NOVA1: variants seen among roughly 807,000 people sequenced by gnomAD.
The protein encoded by NOVA1 is RNA-binding protein Nova-1.
In NOVA1, 7 loss-of-function variants were observed where a neutral mutation model predicts 38.0. The ratio of observed to expected loss-of-function variants is 0.18; its 90% confidence interval spans 0.10 to 0.35. The LOEUF (loss-of-function observed/expected upper bound fraction) is 0.35. Among genes scored for constraint, NOVA1 ranks in the 10% least tolerant of loss-of-function variants. The pLI is 1.00. For missense variants in NOVA1, 460 were observed against 616.0 expected (o/e 0.75, Z 2.68); for synonymous variants, 270 against 232.5 (o/e 1.16, Z -1.47).
chr14:26,460,744 T>C (rs924666564), intron 4 of NOVA1, among the ~76,000 whole-genome samples: 2 of 152,122 alleles, frequency 1.3e-5, no homozygotes, highest in Non-Finnish European at 2.9e-5. Context: ...AACGAGAAGG[T>C]ATCAAACTCC....
intron 2 of NOVA1, among the ~76,000 whole-genome samples, chr14:26,586,857 G>T (rs193093471): frequency 1.4e-5 from 2 of 148,100 alleles, no homozygotes; most frequent in East Asian, 3.9e-4. Context: ...TGTAGCACAT[G>T]AACTAAAATA....
chr14:26,567,903 C>A (rs1260654634), intron 2 of NOVA1, among the ~76,000 whole-genome samples: 2 of 152,166 alleles, frequency 1.3e-5, no homozygotes, highest in African/African-American at 4.8e-5. Flanking sequence ...CAAAGCTTAA[C>A]CAATATTACA....
rs1311498393 is a variant in NOVA1, at chr14:26,446,517, G to GC, written c.*1441dup. 6.5e-6 allele frequency: 1 copy of GC among 152,724 alleles called. No individual in the cohort carries two copies. Among genetic ancestry groups the GC allele is most frequent in the Admixed American group, 6.5e-5 (1 of 15,282 alleles). 9.5% of individuals were successfully genotyped at this position (152,724 alleles called of 1,614,324 possible). On this transcript the variant is annotated 3_prime_UTR_variant, in exon 5 of 5. Coordinates refer to ENST00000539517, the MANE Select transcript of NOVA1 (RefSeq NM_002515.3). Reference sequence around the variant, plus strand: ...TTCTCTTTTGTAATTCAGTTGCTCAGCCAGATGATCCAGAGGTAGCCAGCA... The same window carrying GC: ...TTCTCTTTTGTAATTCAGTTGCTCAGCCCAGATGATCCAGAGGTAGCCAGCA...
Position 26,597,507 on chromosome 14 carries a change from C to A in NOVA1, c.-71G>T, listed in dbSNP as rs201990254. On this transcript the variant is annotated 5_prime_UTR_variant, in exon 1 of 5. Coordinates refer to ENST00000539517, the MANE Select transcript of NOVA1 (RefSeq NM_002515.3). ...GTTTTGGCTTTTTCTTTTCTTTTTT[C>A]TTTTTTTTTTTTTTTTTTTTTTGCG... 1.1e-4 allele frequency: 83 copies of A among 782,790 alleles called. No individual in the cohort carries two copies. The highest frequency in any genetic ancestry group is 5.5e-4 in the Middle Eastern group (1 of 1,806). 48.5% of individuals were successfully genotyped at this position (782,790 alleles called of 1,614,324 possible).
rs147645165 is a variant in NOVA1 at position 26,467,371 on chromosome 14, G to C, written c.519+4949C>G. 4.3e-3 allele frequency among the ~76,000 whole-genome samples: 661 copies of C among 152,276 alleles called. 4 individuals carry two copies. Among genetic ancestry groups the C allele is most frequent in the South Asian group, 7.9e-3 (38 of 4,818 alleles). On this transcript the variant is annotated intron_variant, in intron 4 of 4. Transcript: ENST00000539517. ...CAAAGTGCTCATCATTGATGTCCTT[G>C]GCAAAGAGTTTTGGTGGAATGGCGG...
chr14:26,470,224 T>C, intron 4 of NOVA1: 2 of 1,078,228 alleles, frequency 1.9e-6, no homozygotes, highest in Non-Finnish European at 2.4e-6. Flanking sequence ...TTTTCTTATC[T>C]TGGTTATATA....
chr14:26,566,820 A>G (rs190997618), intron 2 of NOVA1, among the ~76,000 whole-genome samples: 61 of 152,328 alleles, frequency 4.0e-4, no homozygotes, highest in Admixed American at 4.0e-3. Context: ...TTACTATGTT[A>G]GAACACAGCA....
chr14:26,503,016 G>T (rs567353246), intron 2 of NOVA1, among the ~76,000 whole-genome samples: 3 of 151,808 alleles, frequency 2.0e-5, no homozygotes, highest in African/African-American at 7.3e-5. Flanking sequence ...TTTTCCTTTA[G>T]TCTCCTACCA....
intron 2 of NOVA1, among the ~76,000 whole-genome samples, chr14:26,552,055 A>G (rs2877788): frequency 6.6e-6 from 1 of 152,116 alleles, no homozygotes; most frequent in African/African-American, 2.4e-5. Context: ...ATAAATTAAT[A>G]GCATACAACA....
Position 26,557,488 on chromosome 14 carries a change from A to G in NOVA1, c.280+37922T>C, listed in dbSNP as rs546238620. Among the ~76,000 whole-genome samples the G allele has an allele frequency of 2.0e-5, 3 of 151,638 alleles. No homozygotes were observed. The South Asian group carries it at 6.3e-4, about 32-fold the overall frequency. On this transcript the variant is annotated intron_variant, in intron 2 of 4. Transcript: ENST00000539517. ...GCAATCCTCCCACCTCAGCCTCCCAAGTAGCAGGGACTACAGGCACATGCT... is the reference window on the plus strand; with the variant it reads ...GCAATCCTCCCACCTCAGCCTCCCAGGTAGCAGGGACTACAGGCACATGCT...
chr14:26,576,431 T>C (rs1892847697), intron 2 of NOVA1, among the ~76,000 whole-genome samples: 1 of 151,784 alleles, frequency 6.6e-6, no homozygotes. Flanking sequence ...CTGACAGGCA[T>C]AAATGTACAG....
intron 2 of NOVA1, among the ~76,000 whole-genome samples, chr14:26,500,354 T>C (rs1594411814): frequency 6.6e-6 from 1 of 152,074 alleles, no homozygotes; most frequent in Non-Finnish European, 1.5e-5. Context: ...AGGAAAAGCT[T>C]ACTGCTCGGC....
intron 2 of NOVA1, among the ~76,000 whole-genome samples, chr14:26,482,630 G>A (rs1167807682): frequency 1.3e-5 from 2 of 152,256 alleles, no homozygotes; most frequent in East Asian, 1.9e-4. Flanking sequence ...AGCAACGAGA[G>A]GTGAAAACCA....
intron 2 of NOVA1, among the ~76,000 whole-genome samples, chr14:26,566,782 CG>C (rs1555329792): frequency 6.6e-6 from 1 of 152,044 alleles, no homozygotes; most frequent in Non-Finnish European, 1.5e-5. Flanking sequence ...TGTGGAAAAA[CG>C]GAAGTCATCA....
intron 2 of NOVA1, among the ~76,000 whole-genome samples, chr14:26,566,765 T>C (rs1034573740): frequency 2.6e-5 from 4 of 152,172 alleles, no homozygotes; most frequent in African/African-American, 9.7e-5. Context: ...CTGTCATCAA[T>C]AAAAATTGTG....
intron 2 of NOVA1, among the ~76,000 whole-genome samples, chr14:26,565,270 T>C (rs1418026415): frequency 1.3e-5 from 2 of 152,138 alleles, no homozygotes; most frequent in Non-Finnish European, 2.9e-5. Flanking sequence ...GGTATTTGAG[T>C]TATCATCAGC....
chr14:26,484,238 T>C (rs1369288092), intron 2 of NOVA1, among the ~76,000 whole-genome samples: 2 of 151,358 alleles, frequency 1.3e-5, no homozygotes, highest in Non-Finnish European at 2.9e-5. Context: ...ATCGAGGCCA[T>C]CCTGGCTAAC....
intron 2 of NOVA1, among the ~76,000 whole-genome samples, chr14:26,564,122 T>C (rs1891987196): frequency 6.6e-6 from 1 of 152,124 alleles, no homozygotes; most frequent in African/African-American, 2.4e-5. Flanking sequence ...ACTATATGTA[T>C]TATAAACCTA....
chr14:26,587,319 A>C (rs1451961604), intron 2 of NOVA1, among the ~76,000 whole-genome samples: 1 of 150,274 alleles, frequency 6.7e-6, no homozygotes, highest in Admixed American at 6.7e-5. Flanking sequence ...AAAAAAAAAA[A>C]AAAACAAAAA....
Sources: gnomAD v4.1 joint callset for allele counts (sites outside exome capture counted in the v4.1 genomes callset) on GRCh38, gnomAD v4.1.1 for gene constraint, MANE v1.5 for transcripts, NCBI Gene and HGNC (gene_info 2026-07-23, HGNC 2026-07-21) for gene names.